The following SEMA3A variants were observed in gnomAD, a reference collection of about 807,000 sequenced individuals.
SEMA3A encodes semaphorin 3A.
SEMA3A carries 29 observed loss-of-function variants against 97.9 expected under a neutral mutation model. That is an observed-to-expected ratio of 0.30 (90% CI 0.22 to 0.40). The LOEUF (loss-of-function observed/expected upper bound fraction) is 0.40, where lower values mean the gene tolerates loss of function less well. SEMA3A is among the 10% of genes least tolerant of loss of function. The pLI, the probability that SEMA3A is intolerant of heterozygous loss-of-function variation, is 1.00. For synonymous variants in SEMA3A, 321 were observed against 323.7 expected, an observed-to-expected ratio of 0.99 and a Z score of 0.09; for missense variants, 763 against 951.3, an observed-to-expected ratio of 0.80 and a Z score of 2.60.
At chr7:84,167,824 A>G (rs1281950879) in intron 1 of SEMA3A, among the ~76,000 whole-genome samples, 1 of 152,212 alleles carries the variant, frequency 6.6e-6, no homozygotes, top group Non-Finnish European at 1.5e-5. Context: ...AATGTAAGAA[A>G]CAAGAGCCAT....
At chr7:84,424,734 T>TATATTTAGATATCAATATATTAC (rs1804729329) in intron 1 of SEMA3A, among the ~76,000 whole-genome samples, 2 of 100,698 alleles carry the variant, frequency 2.0e-5, no homozygotes, top group Non-Finnish European at 3.5e-5. Context: ...TTATATATTA[T>TATATTTAGATATCAATATATTAC]ATATTTAGAT....
rs146049653 is a variant in SEMA3A, at chr7:84,069,405, T to G, written c.454-8847A>C. 2.5e-3 allele frequency among the ~76,000 whole-genome samples: 387 copies of G among 152,276 alleles called. 2 individuals are homozygous for G. Among genetic ancestry groups the G allele is most frequent in the African/African-American group, 8.8e-3 (365 of 41,566 alleles). ...TTGAAACAGATTTATTAATTTCCCT[T>G]AACCATTGTTTATAGTTGTTACAGT... is the stretch of plus-strand genomic sequence containing the variant. On this transcript the variant is annotated intron_variant, in intron 4 of 16. Coordinates refer to ENST00000265362, the MANE Select transcript of SEMA3A (RefSeq NM_006080.3).
chr7:84,137,169 G>A (rs1796156111), intron 1 of SEMA3A, among the ~76,000 whole-genome samples: 1 of 152,070 alleles, frequency 6.6e-6, no homozygotes, highest in Non-Finnish European at 1.5e-5. Flanking sequence ...GGTAGTCCAA[G>A]GCGGGTGGAT....
At chr7:84,463,439 G>A (rs999962845) in intron 1 of SEMA3A, among the ~76,000 whole-genome samples, 23 of 151,530 alleles carry the variant, frequency 1.5e-4, no homozygotes, top group Middle Eastern at 3.4e-3. Flanking sequence ...TAGTAGAGAC[G>A]GGGTTTCACC....
At chr7:84,236,308 T>C (rs1303708481) in intron 3 of SEMA3A, among the ~76,000 whole-genome samples, 1 of 152,114 alleles carries the variant, frequency 6.6e-6, no homozygotes, top group Non-Finnish European at 1.5e-5. Context: ...GATGAGGTGT[T>C]ATTTCCTTTA....
intron 6 of SEMA3A, among the ~76,000 whole-genome samples, chr7:84,026,095 C>T (rs1037756507): frequency 1.3e-5 from 2 of 152,130 alleles, no homozygotes; most frequent in African/African-American, 4.8e-5. Flanking sequence ...AGCAACGGTT[C>T]GTAGTTTTCC....
intron 2 of SEMA3A, chr7:84,371,706 T>C (rs914459384): frequency 2.6e-5 from 4 of 151,986 alleles, no homozygotes; most frequent in African/African-American, 9.7e-5. Flanking sequence ...TTTGAAGACA[T>C]TGGCTTTAAG....
At chr7:84,209,537 C>A (rs560801604) in intron 3 of SEMA3A, among the ~76,000 whole-genome samples, 101 of 152,196 alleles carry the variant, frequency 6.6e-4, no homozygotes, top group African/African-American at 2.4e-3. Context: ...AGATAAATTC[C>A]ACCTTCTGTT....
intron 3 of SEMA3A, among the ~76,000 whole-genome samples, chr7:84,233,999 A>G (rs1275963867): frequency 6.6e-6 from 1 of 152,020 alleles, no homozygotes; most frequent in South Asian, 2.1e-4. Flanking sequence ...TCATTTTTAT[A>G]AAGTATTTTA....
At chr7:84,201,723 C>A (rs1312603505) in intron 3 of SEMA3A, among the ~76,000 whole-genome samples, 1 of 152,082 alleles carries the variant, frequency 6.6e-6, no homozygotes, top group Non-Finnish European at 1.5e-5. Flanking sequence ...AACATAAATT[C>A]ATTTTCCTTT....
intron 1 of SEMA3A, among the ~76,000 whole-genome samples, chr7:84,483,394 C>T (rs956082952): frequency 2.6e-5 from 4 of 152,092 alleles, no homozygotes; most frequent in African/African-American, 9.7e-5. Context: ...TGTTGGGTAT[C>T]CCTGAATATG....
intron 1 of SEMA3A, among the ~76,000 whole-genome samples, chr7:84,165,992 G>C (rs1256950289): frequency 6.6e-6 from 1 of 152,204 alleles, no homozygotes; most frequent in East Asian, 1.9e-4. Context: ...ATGAGATAGA[G>C]CCAGGTGAGG....
rs1432306634 is a variant in SEMA3A, at chr7:83,960,681, AAAC to A, written c.*687_*689del. The A allele has an allele frequency of 2.0e-5, 3 of 152,792 alleles. No individual in the cohort carries two copies. The East Asian group carries it at 5.8e-4, about 29-fold the overall frequency. The allele number at this position is 152,792 out of a possible 1,614,324, so 9.5% of individuals were successfully genotyped here. A position where few individuals can be genotyped will look rare whatever the true frequency, so the allele number is the denominator to read the frequency against. ...AAGACAAATCCTACTCTAGCTTAGA[AAAC>A]AACTAATTTTTACTGCATATTTTTC... On this transcript the variant is annotated 3_prime_UTR_variant, in exon 17 of 17. Coordinates refer to ENST00000265362, the MANE Select transcript of SEMA3A (RefSeq NM_006080.3).
chr7:84,411,277 T>A (rs1804257423), intron 1 of SEMA3A, among the ~76,000 whole-genome samples: 1 of 152,108 alleles, frequency 6.6e-6, no homozygotes, highest in Non-Finnish European at 1.5e-5. Context: ...AATTTATGTT[T>A]TAACAAATAA....
At chr7:84,440,407 TC>T (rs981974658) in intron 1 of SEMA3A, among the ~76,000 whole-genome samples, 3 of 152,174 alleles carry the variant, frequency 2.0e-5, no homozygotes, top group Non-Finnish European at 4.4e-5. Flanking sequence ...GGTCTTGCTT[TC>T]CAAATGTCAT....
At chr7:84,271,956 A>G (rs1800162206) in intron 3 of SEMA3A, among the ~76,000 whole-genome samples, 1 of 152,082 alleles carries the variant, frequency 6.6e-6, no homozygotes, top group Non-Finnish European at 1.5e-5. Context: ...TACTAAATGC[A>G]AGCACTGAGT....
chr7:84,134,698 T>C, intron 2 of SEMA3A, 96 bp downstream of exon 2: 1 of 955,190 alleles, frequency 1.0e-6, no homozygotes, highest in Non-Finnish European at 1.5e-6. Flanking sequence ...TCAAAACAAT[T>C]TTCTGTCAGT....
At chr7:84,461,196 G>A (rs1427710436) in intron 1 of SEMA3A, among the ~76,000 whole-genome samples, 3 of 152,016 alleles carry the variant, frequency 2.0e-5, no homozygotes, top group Non-Finnish European at 2.9e-5. Flanking sequence ...ATGAATTGTC[G>A]ATTAAATATG....
chr7:84,106,777 G>A (rs957681831), intron 4 of SEMA3A, among the ~76,000 whole-genome samples: 15 of 152,086 alleles, frequency 9.9e-5, no homozygotes, highest in African/African-American at 3.1e-4. Context: ...TGACAATGGA[G>A]TTTCAACATT....
Sources: gnomAD v4.1 joint callset for allele counts (sites outside exome capture counted in the v4.1 genomes callset) on GRCh38, gnomAD v4.1.1 for gene constraint, MANE v1.5 for transcripts, NCBI Gene and HGNC (gene_info 2026-07-23, HGNC 2026-07-21) for gene names.